UNC13A: variants seen among roughly 807,000 people sequenced by gnomAD.
UNC13A encodes the protein protein unc-13 homolog A.
In UNC13A, 61 loss-of-function variants were observed where a neutral mutation model predicts 219.7. The observed-to-expected ratio is 0.28, with a 90% CI of 0.23 to 0.34. The LOEUF (loss-of-function observed/expected upper bound fraction) is 0.34, where lower values mean the gene tolerates loss of function less well. Among genes scored for constraint, UNC13A ranks in the 10% least tolerant of loss-of-function variants. UNC13A has a pLI of 1.00. For missense variants in UNC13A, 1,476 were observed against 2,270.3 expected, an observed-to-expected ratio of 0.65 and a Z score of 7.11; for synonymous variants, 920 against 884.6, an observed-to-expected ratio of 1.04 and a Z score of -0.71.
At position 17,630,698 on chromosome 19, in the gene UNC13A, G is replaced by A. The variant is rs866735606; in HGVS notation, c.3481C>T (p.Arg1161Trp). Residue 1161 changes from arginine (R) to tryptophan (W), a missense_variant, in exon 29 of 44, where the codon CGG (arginine) becomes TGG (tryptophan). Transcript: ENST00000519716. The part of the protein sequence containing the change: ...QWLDENEEVS[R>W]DFLHGALERD... Reference sequence around the variant, plus strand: ...TCCAGGGCACCGTGCAGGAAATCCCGGGACACCTCCTCATTCTCATCCAGC... The same window carrying A: ...TCCAGGGCACCGTGCAGGAAATCCCAGGACACCTCCTCATTCTCATCCAGC... 17 of 1,613,680 alleles carry A rather than the reference G, an allele frequency of 1.1e-5. No homozygotes were observed. Among genetic ancestry groups the A allele is most frequent in the African/African-American group, 6.7e-5 (5 of 74,852 alleles).
intron 22 of UNC13A, 105 bp downstream of exon 22, chr19:17,640,404 GTC>G: frequency 7.3e-7 from 1 of 1,371,206 alleles, no homozygotes; most frequent in Non-Finnish European, 9.7e-7. Context: ...CTGGTGGAAA[GTC>G]ACACAGCAAT....
At position 17,658,289 on chromosome 19, in the gene UNC13A, T is replaced by A; in HGVS notation, c.560-20A>T. ...CATCGTCTGGAAGAGAGAGGCGGTATGGGAAGAGGGTGAGGAAGAGAGAGT... is the reference window on the plus strand; with the variant it reads ...CATCGTCTGGAAGAGAGAGGCGGTAAGGGAAGAGGGTGAGGAAGAGAGAGT... On this transcript the variant is annotated intron_variant, in intron 8 of 43. Coordinates refer to ENST00000519716, the MANE Select transcript of UNC13A (RefSeq NM_001080421.3). The A allele has an allele frequency of 6.3e-7, 1 of 1,584,782 alleles. No homozygotes were observed. Among genetic ancestry groups the A allele is most frequent in the Non-Finnish European group, 8.6e-7 (1 of 1,158,578 alleles).
At chr19:17,626,919 T>A in intron 33 of UNC13A, 134 bp from the exon 34 acceptor site, 1 of 1,336,770 alleles carries the variant, frequency 7.5e-7, no homozygotes, top group Non-Finnish European at 9.8e-7. Context: ...ACAGGCCAGA[T>A]GCGGTGGCTC....
intron 23 of UNC13A, 89 bp from the exon 24 acceptor site, chr19:17,639,614 G>T: frequency 2.1e-6 from 3 of 1,410,116 alleles, no homozygotes; most frequent in Non-Finnish European, 2.9e-6. Context: ...AAGGCTCCCC[G>T]GTTTCAGGCT....
intron 7 of UNC13A, 107 bp from the exon 8 acceptor site, chr19:17,663,674 C>A: frequency 7.5e-6 from 9 of 1,198,604 alleles, no homozygotes; most frequent in Non-Finnish European, 9.6e-6. Context: ...CCCCCCACCC[C>A]AAAAGTCCCT....
At position 17,620,697 on chromosome 19, in the gene UNC13A, G is replaced by C; in HGVS notation, c.4268C>G (p.Ser1423Ter). The C allele has an allele frequency of 6.2e-7, 1 of 1,613,016 alleles. No homozygotes were observed. The highest frequency in any genetic ancestry group is 8.5e-7 in the Non-Finnish European group (1 of 1,179,648). The change falls in exon 38 of 44, where the codon TCA becomes TGA. Residue 1423 changes from serine (S) to a stop codon, truncating the protein, a stop_gained. Transcript: ENST00000519716. LOFTEE classifies it high-confidence loss of function. ...EKGRVKLPSHSDGTQMIFNAA... is the reference protein window; with the variant it reads ...EKGRVKLPSH ...ACAGTGAGAGGCCGGTCTTACGTCT[G>C]AGTGGCTTGGCAATTTCACCCTGCC...
chr19:17,636,910 T>C (rs2076917866), intron 25 of UNC13A, among the ~76,000 whole-genome samples: 1 of 152,002 alleles, frequency 6.6e-6, no homozygotes, highest in Non-Finnish European at 1.5e-5. Context: ...ATGAACTAAA[T>C]GGAAATGAAT....
intron 12 of UNC13A, among the ~76,000 whole-genome samples, chr19:17,650,938 T>G (rs904201656): frequency 1.0e-4 from 2 of 19,478 alleles, no homozygotes; most frequent in Admixed American, 7.1e-4. Flanking sequence ...AGCAAATTTT[T>G]TTTTTTTTTT....
At chr19:17,633,647 A>G (rs545580247) in intron 26 of UNC13A, among the ~76,000 whole-genome samples, 1 of 151,942 alleles carries the variant, frequency 6.6e-6, no homozygotes, top group Admixed American at 6.5e-5. Context: ...CTATTCATCC[A>G]TCCACCCATC....
At chr19:17,656,710 C>T (rs1346713843) in intron 9 of UNC13A, among the ~76,000 whole-genome samples, 2 of 151,886 alleles carry the variant, frequency 1.3e-5, no homozygotes, top group Admixed American at 6.6e-5. Context: ...AAATTAGCTG[C>T]GCATGGTGGC....
chr19:17,666,605 T>A, intron 7 of UNC13A, 45 bp downstream of exon 7: 4 of 1,400,580 alleles, frequency 2.9e-6, no homozygotes, highest in Non-Finnish European at 3.8e-6. Context: ...AGGGGAGGGA[T>A]GAGGATTTCA....
rs1402554863 is a variant in UNC13A, at chr19:17,606,348, C to T, written c.4818G>A (p.Leu1606=). ...AGCACTCGGGACCCGCGTCGGCGCT[C>T]AGCGTGCTGCGTGGGGAGGGGCGGA... ...PKYNESFQFT[L]SADAGPECYE... Residue 1606 remains leucine, a synonymous_variant, in exon 44 of 44, where the codon CTG becomes CTA. Transcript: ENST00000519716. 6.5e-7 allele frequency: 1 copy of T among 1,544,506 alleles called. No individual in the cohort carries two copies. Among genetic ancestry groups the T allele is most frequent in the South Asian group, 1.2e-5 (1 of 84,094 alleles).
chr19:17,663,246 G>C (rs1235638595), intron 8 of UNC13A, among the ~76,000 whole-genome samples: 5 of 151,974 alleles, frequency 3.3e-5, no homozygotes, highest in Non-Finnish European at 7.4e-5. Context: ...TGCCCAGCTG[G>C]AGACAAGCAG....
At chr19:17,647,633 A>T (rs2079261310) in intron 16 of UNC13A, 141 bp from the exon 17 acceptor site, 2 of 738,726 alleles carry the variant, frequency 2.7e-6, no homozygotes, top group Non-Finnish European at 4.4e-6. Flanking sequence ...TGCTTTCTGT[A>T]CCCCCCACCC....
In UNC13A at chr19:17,655,959, G is replaced by T; in HGVS notation, c.1207C>A (p.Pro403Thr). 6.5e-7 allele frequency: 1 copy of T among 1,550,226 alleles called. No individual in the cohort carries two copies. Reference sequence around the variant, plus strand: ...ACCTTGTCGGGCGTGGCTGGCTTGGGGGCCACCTTGGCCATGTCGGGGGCC... The same window carrying T: ...ACCTTGTCGGGCGTGGCTGGCTTGGTGGCCACCTTGGCCATGTCGGGGGCC... ...TEAPDMAKVA[P>T]KPATPDKVPA... Residue 403 changes from proline (P) to threonine (T), a missense_variant, in exon 10 of 44, where the codon CCC (proline) becomes ACC (threonine). By Grantham distance (38) the Pro-to-Thr change is conservative. Transcript: ENST00000519716.
chr19:17,627,835 C>T lies in UNC13A; in HGVS notation c.3831+28G>A, dbSNP rs370389258. On this transcript the variant is annotated intron_variant, in intron 32 of 43. Coordinates refer to ENST00000519716, the MANE Select transcript of UNC13A (RefSeq NM_001080421.3). This position sits in a 1 kb window ranked among gnomAD's most constrained non-coding sequence, Gnocchi z 4.7. ...CAGTGGTGGGGGTGCCCCATCCCTT[C>T]TCCAGCCCTGCCTCGGCCCTGCCTC... 1.7e-5 allele frequency: 27 copies of T among 1,577,158 alleles called. No individual in the cohort carries two copies. The highest frequency in any genetic ancestry group is 2.2e-5 in the Non-Finnish European group (25 of 1,159,220).
At chr19:17,641,685 T>TTTTTTTTTTTTTTTTTTTTGAGACGG in intron 20 of UNC13A, 129 bp from the exon 21 acceptor site, 6 of 981,182 alleles carry the variant, frequency 6.1e-6, no homozygotes, top group Admixed American at 2.7e-5. Context: ...TCTACTCTTT[T>TTTTTTTTTTTTTTTTTTTTGAGACGG]ATCCATCCAC....
intron 28 of UNC13A, among the ~76,000 whole-genome samples, chr19:17,631,383 G>A (rs112158776): frequency 2.0e-5 from 3 of 151,304 alleles, no homozygotes; most frequent in African/African-American, 7.3e-5. Flanking sequence ...ACCATGCCCG[G>A]CTAATTTTTT....
chr19:17,639,179 C>T lies in UNC13A; in HGVS notation c.2985G>A (p.Val995=), dbSNP rs1409714200. ...ELQSPPRASQ[V]VKDCVKACLN... Reference sequence around the variant, plus strand: ...GGCAGGCTTTCACACAGTCCTTTACCACCTGGCTGGCTCGGGGCGGGCTCT... The same window carrying T: ...GGCAGGCTTTCACACAGTCCTTTACTACCTGGCTGGCTCGGGGCGGGCTCT... Residue 995 remains valine (V), a synonymous_variant, in exon 25 of 44, where the codon GTG becomes GTA. Coordinates refer to ENST00000519716, the MANE Select transcript of UNC13A (RefSeq NM_001080421.3). 1.9e-6 allele frequency: 3 copies of T among 1,613,874 alleles called. No individual in the cohort carries two copies. The highest frequency in any genetic ancestry group is 1.7e-6 in the Non-Finnish European group (2 of 1,179,936).
Sources: gnomAD v4.1 joint callset for allele counts (sites outside exome capture counted in the v4.1 genomes callset) on GRCh38, gnomAD v4.1.1 for gene constraint, Gnocchi (gnomAD v3.1) non-coding constraint, MANE v1.5 for transcripts, NCBI Gene and HGNC (gene_info 2026-07-23, HGNC 2026-07-21) for gene names.